Variants in ARMCX4 observed in about 807,000 individuals in gnomAD.
The protein encoded by ARMCX4 is armadillo repeat-containing X-linked protein 4.
In ARMCX4, 3 loss-of-function variants were observed where a neutral mutation model predicts 34.7. The ratio of observed to expected loss-of-function variants is 0.09; its 90% CI spans 0.04 to 0.22. The LOEUF (loss-of-function observed/expected upper bound fraction) is 0.22, where lower values mean the gene tolerates loss of function less well. Ranked by LOEUF, ARMCX4 falls within the 10% of genes least tolerant of loss-of-function variation. The pLI, the probability that ARMCX4 is intolerant of heterozygous loss-of-function variation, is 1.00. For synonymous variants in ARMCX4, 513 were observed against 632.8 expected (o/e 0.81, Z 2.84); for missense variants, 1,448 against 1,720.8 (o/e 0.84, Z 2.81).
chrX:101,432,609 C>A (rs1022670712), intron 2 of ARMCX4, among the ~76,000 whole-genome samples: 3 of 108,457 alleles, frequency 2.8e-5, no homozygotes, highest in Admixed American at 1.0e-4. Flanking sequence ...TGCAGTGAGC[C>A]GAGATCCTGC....
exon 3 of ARMCX4, chrX:101,444,085 G>A: frequency 2.9e-6 from 1 of 340,229 alleles, no homozygotes; most frequent in Non-Finnish European, 5.6e-6. Context: ...GCTGTCTTTG[G>A]AACTTTGTCT....
At chrX:101,473,535 C>A (rs1471085569) in intron 4 of ARMCX4, among the ~76,000 whole-genome samples, 8 of 108,494 alleles carry the variant, frequency 7.4e-5, no homozygotes, top group Admixed American at 2.9e-4. Flanking sequence ...ACACCTATTC[C>A]AAAATTGACC....
Position 101,485,467 on chromosome X carries a change from G to C in ARMCX4, c.-500G>C. 2.9e-6 allele frequency: 2 copies of C among 695,992 alleles called. No individual in the cohort carries two copies. Among genetic ancestry groups the C allele is most frequent in the African/African-American group, 2.3e-5 (1 of 42,734 alleles). The allele number at this position is 695,992 out of a possible 1,213,427, so 57.4% of individuals were successfully genotyped here. A position where few individuals can be genotyped will look rare whatever the true frequency, so the allele number is the denominator to read the frequency against. ...TCGTTGCAGTCGTCACTCGCATCTG[G>C]CTACCAGCTCCCCGCTGCCCTGCGC... is the stretch of plus-strand genomic sequence containing the variant. On this transcript the variant is annotated 5_prime_UTR_variant, in exon 1 of 6. Transcript: ENST00000423738.
chrX:101,504,267 C>T (rs1031777321), intron 7 of ARMCX4, among the ~76,000 whole-genome samples: 149 of 111,417 alleles, frequency 1.3e-3, no homozygotes, highest in Non-Finnish European at 2.5e-3. Flanking sequence ...CTTGGCAATG[C>T]GGGCTCTTTT....
downstream of ARMCX4, chrX:101,498,774 C>T (rs1934234377): frequency 8.9e-6 from 1 of 111,740 alleles, no homozygotes; most frequent in African/African-American, 3.3e-5. Flanking sequence ...GGGACTCTGA[C>T]ACTTGGAATG....
chrX:101,437,431 G>C (rs145461693), intron 2 of ARMCX4, among the ~76,000 whole-genome samples: 1 of 111,636 alleles, frequency 9.0e-6, no homozygotes, highest in Non-Finnish European at 1.9e-5. Context: ...GTTTATTTGC[G>C]TAGAGGTGTT....
At chrX:101,483,161 T>C (rs1933537325), upstream of ARMCX4, among the ~76,000 whole-genome samples, 1 of 109,961 alleles carries the variant, frequency 9.1e-6, no homozygotes, top group African/African-American at 3.3e-5. Flanking sequence ...CCCAAAGTGC[T>C]GGGATTACAG....
At chrX:101,423,423 G>A (rs782171160) in intron 2 of ARMCX4, among the ~76,000 whole-genome samples, 205 of 106,506 alleles carry the variant, frequency 1.9e-3, no homozygotes, top group Non-Finnish European at 3.3e-3. Flanking sequence ...TTTGAGACCA[G>A]CCTGACCAAC....
chrX:101,432,668 C>A (rs1238938952), intron 2 of ARMCX4, among the ~76,000 whole-genome samples: 2 of 106,413 alleles, frequency 1.9e-5, no homozygotes, highest in Non-Finnish European at 3.9e-5. Context: ...TCAAAAAAAA[C>A]CCCATGTATA....
intron 8 of ARMCX4, among the ~76,000 whole-genome samples, chrX:101,505,781 A>T (rs781845359): frequency 8.9e-6 from 1 of 112,528 alleles, no homozygotes; most frequent in Non-Finnish European, 1.9e-5. Context: ...CAGTTCAGTG[A>T]CATTAAATAC....
intron 4 of ARMCX4, among the ~76,000 whole-genome samples, chrX:101,463,395 T>C (rs1213503711): frequency 1.3e-4 from 15 of 112,166 alleles, no homozygotes; most frequent in African/African-American, 4.9e-4. Flanking sequence ...CTTGGCAAAC[T>C]GTACCACTGC....
At chrX:101,522,271 G>A (rs188887891) in intron 11 of ARMCX4, among the ~76,000 whole-genome samples, 57 of 111,157 alleles carry the variant, frequency 5.1e-4, no homozygotes, top group Non-Finnish European at 7.7e-4. Flanking sequence ...AAAAATGCTT[G>A]TCTTAAGGTA....
At chrX:101,443,130 C>CAAA (rs141804967) in intron 2 of ARMCX4, among the ~76,000 whole-genome samples, 14 of 49,509 alleles carry the variant, frequency 2.8e-4, no homozygotes, top group Non-Finnish European at 4.4e-4. Flanking sequence ...GACTCCGTCT[C>CAAA]AAAAAAAAAA....
At chrX:101,517,252 G>A (rs1456881116) in intron 11 of ARMCX4, among the ~76,000 whole-genome samples, 1 of 112,380 alleles carries the variant, frequency 8.9e-6, no homozygotes, top group African/African-American at 3.2e-5. Flanking sequence ...ACATATATTT[G>A]AAAGGAAAAT....
chrX:101,506,531 AAG>A (rs1285624574), intron 8 of ARMCX4, among the ~76,000 whole-genome samples: 4 of 110,352 alleles, frequency 3.6e-5, no homozygotes, highest in Admixed American at 1.9e-4. Flanking sequence ...GAGAGAGAGA[AAG>A]AGAGAGAGAG....
chrX:101,422,401 T>C (rs1390937892), intron 2 of ARMCX4, among the ~76,000 whole-genome samples: 1 of 109,391 alleles, frequency 9.1e-6, no homozygotes, highest in African/African-American at 3.3e-5. Flanking sequence ...GATGGAATCA[T>C]AGGGGGTCGA....
chrX:101,492,249 T>TGGGG lies in ARMCX4; in HGVS notation c.3663_3666dup (p.Ser1223GlyfsTer22). The TGGGG allele has an allele frequency of 8.8e-7, 1 of 1,134,295 alleles. No homozygotes were observed. Among genetic ancestry groups the TGGGG allele is most frequent in the Non-Finnish European group, 1.2e-6 (1 of 863,053 alleles). 93.5% of individuals were successfully genotyped at this position (1,134,295 alleles called of 1,213,427 possible). On this transcript the variant is annotated frameshift_variant, in exon 6 of 6. Coordinates refer to ENST00000423738, the MANE Select transcript of ARMCX4 (RefSeq NM_001256155.3). LOFTEE classifies it low-confidence loss of function (END_TRUNC). ...GGACTGGGGCTGAGAACCAGGCCAG[T>TGGGG]GGGGGGTCTTGGGCTCTCGCTGGGA...
intron 4 of ARMCX4, among the ~76,000 whole-genome samples, chrX:101,478,110 A>G (rs946312990): frequency 8.9e-6 from 1 of 112,218 alleles, no homozygotes; most frequent in Non-Finnish European, 1.9e-5. Flanking sequence ...CACCTTTACT[A>G]TTCAACATTA....
At chrX:101,515,074 C>T (rs1347714125) in intron 11 of ARMCX4, among the ~76,000 whole-genome samples, 7 of 111,575 alleles carry the variant, frequency 6.3e-5, no homozygotes, top group African/African-American at 2.0e-4. Context: ...GTCATTTATA[C>T]AGTACTTGTG....
Sources: allele counts gnomAD v4.1 joint callset (sites outside exome capture counted in the v4.1 genomes callset), GRCh38; gene constraint gnomAD v4.1.1; transcripts MANE v1.5; gene names NCBI Gene and HGNC (gene_info 2026-07-23, HGNC 2026-07-21).